ARHGAP15: variants seen among roughly 807,000 people sequenced by gnomAD.
ARHGAP15 encodes Rho GTPase activating protein 15, also known as rho GTPase-activating protein 15.
In ARHGAP15, 51 loss-of-function variants were observed where a neutral mutation model predicts 63.7. The observed-to-expected ratio is 0.80, with a 90% CI of 0.64 to 1.01. The LOEUF (loss-of-function observed/expected upper bound fraction) is 1.01. ARHGAP15 is among the 50% of genes least tolerant of loss of function. The probability of loss-of-function intolerance (pLI) is 0.00; values close to 1 mark genes in which losing one functional copy is unlikely to be tolerated. For missense variants in ARHGAP15, 560 were observed against 564.6 expected, an observed-to-expected ratio of 0.99 and a Z score of 0.08; for synonymous variants, 191 against 193.8, an observed-to-expected ratio of 0.99 and a Z score of 0.12.
At chr2:143,462,853 G>T (rs958217845) in intron 8 of ARHGAP15, among the ~76,000 whole-genome samples, 4 of 152,134 alleles carry the variant, frequency 2.6e-5, no homozygotes, top group Non-Finnish European at 4.4e-5. Flanking sequence ...GCAGGAGCTT[G>T]CTATGCAAGT....
Position 143,654,950 on chromosome 2 carries a change from G to T in ARHGAP15, c.1138+30683G>T, listed in dbSNP as rs1019357616. 2.6e-5 allele frequency among the ~76,000 whole-genome samples: 4 copies of T among 152,218 alleles called. No homozygotes were observed. In the South Asian group the frequency reaches 6.2e-4, roughly 24 times the overall value. ...CGTTTCTAAAATATAAAACAGAATT[G>T]GCTGGGTGTGGTGGCACACATCTGT... is the stretch of plus-strand genomic sequence containing the variant. On this transcript the variant is annotated intron_variant, in intron 12 of 13. Transcript: ENST00000295095.
chr2:143,317,445 C>A (rs1168303021), intron 6 of ARHGAP15, among the ~76,000 whole-genome samples: 1 of 152,016 alleles, frequency 6.6e-6, no homozygotes, highest in Non-Finnish European at 1.5e-5. Flanking sequence ...AAAATAAATT[C>A]TTTGGGAGTT....
chr2:143,225,808 A>G (rs1445704224), intron 4 of ARHGAP15, among the ~76,000 whole-genome samples: 1 of 152,230 alleles, frequency 6.6e-6, no homozygotes, highest in East Asian at 1.9e-4. Context: ...GAAGCTAAGC[A>G]TAAACTAGAT....
At chr2:143,552,363 T>G (rs1695602374) in intron 10 of ARHGAP15, among the ~76,000 whole-genome samples, 1 of 152,204 alleles carries the variant, frequency 6.6e-6, no homozygotes, top group Non-Finnish European at 1.5e-5. Context: ...CTCATCTGCA[T>G]TGTCAAAAAC....
chr2:143,227,695 G>T (rs1693268130), intron 4 of ARHGAP15, among the ~76,000 whole-genome samples: 1 of 151,994 alleles, frequency 6.6e-6, no homozygotes, highest in Admixed American at 6.5e-5. Flanking sequence ...ACAGCATAGG[G>T]TTCATTATTC....
intron 8 of ARHGAP15, among the ~76,000 whole-genome samples, chr2:143,479,339 G>GT (rs79266101): frequency 0.017 from 2,500 of 144,116 alleles, 23 homozygotes; most frequent in Non-Finnish European, 0.024. Flanking sequence ...TCTTTTTGGG[G>GT]TTTTTTTTTT....
intron 11 of ARHGAP15, among the ~76,000 whole-genome samples, chr2:143,559,791 G>T (rs537608079): frequency 6.6e-6 from 1 of 152,264 alleles, no homozygotes; most frequent in African/African-American, 2.4e-5. Flanking sequence ...CAATAAACTG[G>T]CAATGCAGGG....
At chr2:143,497,193 A>T (rs568575688) in intron 9 of ARHGAP15, among the ~76,000 whole-genome samples, 19 of 152,326 alleles carry the variant, frequency 1.2e-4, no homozygotes, top group African/African-American at 4.6e-4. Flanking sequence ...ATTGTAAAAC[A>T]GATACAAAAC....
chr2:143,666,407 C>T (rs1246186774), intron 12 of ARHGAP15, among the ~76,000 whole-genome samples: 1 of 152,082 alleles, frequency 6.6e-6, no homozygotes, highest in Non-Finnish European at 1.5e-5. Flanking sequence ...ACACCTTATA[C>T]AAAAATCAAT....
intron 12 of ARHGAP15, among the ~76,000 whole-genome samples, chr2:143,629,299 G>A (rs912983800): frequency 9.2e-5 from 14 of 151,972 alleles, no homozygotes; most frequent in African/African-American, 3.4e-4. Context: ...TTATATCTCA[G>A]AATCCAAGTA....
chr2:143,500,099 C>T (rs1267169104), intron 9 of ARHGAP15, among the ~76,000 whole-genome samples: 2 of 151,644 alleles, frequency 1.3e-5, no homozygotes, highest in Non-Finnish European at 2.9e-5. Context: ...TAATACAGCC[C>T]TTTTTCAACT....
chr2:143,316,586 A>G (rs975892523), intron 6 of ARHGAP15, among the ~76,000 whole-genome samples: 2 of 146,678 alleles, frequency 1.4e-5, no homozygotes, highest in African/African-American at 5.0e-5. Context: ...TAAAATATAT[A>G]TGTTATATAT....
At chr2:143,547,570 A>T (rs1330672112) in intron 10 of ARHGAP15, among the ~76,000 whole-genome samples, 1 of 5,168 alleles carries the variant, frequency 1.9e-4, no homozygotes, top group African/African-American at 8.5e-4. Context: ...TCCAATTATA[A>T]AAAAAAAAAA....
intron 8 of ARHGAP15, among the ~76,000 whole-genome samples, chr2:143,452,623 T>G (rs943014818): frequency 6.6e-6 from 1 of 151,478 alleles, no homozygotes; most frequent in African/African-American, 2.4e-5. Flanking sequence ...AGGTGCACCC[T>G]TGTAGCAAGA....
At chr2:143,373,777 A>G (rs1044527542) in intron 6 of ARHGAP15, among the ~76,000 whole-genome samples, 5 of 152,118 alleles carry the variant, frequency 3.3e-5, no homozygotes, top group African/African-American at 9.7e-5. Flanking sequence ...TTGAAAGAGT[A>G]GAGGAGACAT....
chr2:143,471,191 T>TACAC (rs1330317884), intron 8 of ARHGAP15, among the ~76,000 whole-genome samples: 1 of 141,500 alleles, frequency 7.1e-6, no homozygotes, highest in Admixed American at 7.0e-5. Context: ...TGTGTATATA[T>TACAC]ACACACATAT....
intron 1 of ARHGAP15, among the ~76,000 whole-genome samples, chr2:143,150,390 A>C (rs1286117804): frequency 6.6e-6 from 1 of 151,988 alleles, no homozygotes; most frequent in Non-Finnish European, 1.5e-5. Flanking sequence ...TATGAGTAGG[A>C]AAATCAAGCC....
intron 8 of ARHGAP15, among the ~76,000 whole-genome samples, chr2:143,451,180 T>C (rs1322938211): frequency 6.6e-6 from 1 of 151,974 alleles, no homozygotes; most frequent in Admixed American, 6.6e-5. Flanking sequence ...AAGATGATCA[T>C]ACATTCGCCT....
At chr2:143,458,107 T>G (rs552162714) in intron 8 of ARHGAP15, among the ~76,000 whole-genome samples, 60 of 152,026 alleles carry the variant, frequency 3.9e-4, no homozygotes, top group Non-Finnish European at 8.4e-4. Flanking sequence ...ATAAAGAAAC[T>G]AGAAGGACAT....
Sources: allele counts gnomAD v4.1 joint callset (sites outside exome capture counted in the v4.1 genomes callset), GRCh38; gene constraint gnomAD v4.1.1; transcripts MANE v1.5; gene names NCBI Gene and HGNC (gene_info 2026-07-23, HGNC 2026-07-21).